The following LTBP1 variants were observed in gnomAD, a reference collection of about 807,000 sequenced individuals.
LTBP1 encodes latent transforming growth factor beta binding protein 1.
A neutral mutation model predicts 207.6 loss-of-function variants in LTBP1; 129 were observed. The ratio of observed to expected loss-of-function variants is 0.62; its 90% CI spans 0.54 to 0.72. LTBP1 has a LOEUF of 0.72. Ranked by LOEUF, LTBP1 falls within the 30% of genes least tolerant of loss-of-function variation. LTBP1 has a pLI of 0.00. For missense variants in LTBP1, 2,281 were observed against 2,217.2 expected, an observed-to-expected ratio of 1.03 and a Z score of -0.58; for synonymous variants, 963 against 833.7, an observed-to-expected ratio of 1.16 and a Z score of -2.67.
intron 3 of LTBP1, among the ~76,000 whole-genome samples, chr2:33,047,359 A>G (rs1315186133): frequency 3.3e-5 from 5 of 152,072 alleles, no homozygotes; most frequent in African/African-American, 1.2e-4. Flanking sequence ...TTCTGCCTTA[A>G]TTTCGTTATG....
intron 7 of LTBP1, among the ~76,000 whole-genome samples, chr2:33,204,857 T>G (rs78809092): frequency 0.03 from 4,495 of 152,368 alleles, 93 homozygotes; most frequent in Middle Eastern, 0.12. Context: ...TCCCATTTAT[T>G]TATGTGAAAT....
At chr2:33,010,115 T>G (rs1330157441) in intron 2 of LTBP1, among the ~76,000 whole-genome samples, 1 of 151,738 alleles carries the variant, frequency 6.6e-6, no homozygotes, top group Non-Finnish European at 1.5e-5. Flanking sequence ...TGGGGGGACA[T>G]GGGGAGGAGG....
chr2:33,186,711 G>A (rs1222958548), intron 5 of LTBP1, 145 bp from the exon 6 acceptor site: 1 of 637,298 alleles, frequency 1.6e-6, no homozygotes, highest in Non-Finnish European at 2.8e-6. Context: ...GGCATAGCGA[G>A]TTTACTCCTC....
intron 25 of LTBP1, 54 bp downstream of exon 25, chr2:33,343,017 A>G: frequency 1.3e-6 from 2 of 1,566,148 alleles, no homozygotes; most frequent in Non-Finnish European, 1.7e-6. Context: ...GGGAAAAGAA[A>G]TCACAGTGAA....
chr2:33,101,169 T>A (rs1449619992), intron 3 of LTBP1, among the ~76,000 whole-genome samples: 1 of 152,200 alleles, frequency 6.6e-6, no homozygotes, highest in Non-Finnish European at 1.5e-5. Context: ...CATTAGGTAT[T>A]AAGGAGTGTG....
intron 5 of LTBP1, among the ~76,000 whole-genome samples, chr2:33,147,310 A>G (rs1373920591): frequency 1.3e-5 from 2 of 152,174 alleles, no homozygotes; most frequent in African/African-American, 4.8e-5. Context: ...ATTACCCTTT[A>G]ATGTCCGTAG....
intron 22 of LTBP1, among the ~76,000 whole-genome samples, chr2:33,302,068 A>C (rs577808671): frequency 2.6e-4 from 40 of 152,350 alleles, no homozygotes; most frequent in Non-Finnish European, 4.4e-4. Flanking sequence ...TGCATAAAAT[A>C]TTTCTGAAAG....
intron 2 of LTBP1, among the ~76,000 whole-genome samples, chr2:32,997,830 C>T (rs1685519647): frequency 6.6e-6 from 1 of 152,186 alleles, no homozygotes. Flanking sequence ...TCGACCATAG[C>T]AGGAGCCCCA....
intron 2 of LTBP1, among the ~76,000 whole-genome samples, chr2:32,978,762 G>T (rs1682258026): frequency 6.8e-6 from 1 of 146,574 alleles, no homozygotes; most frequent in Non-Finnish European, 1.5e-5. Flanking sequence ...TCTATCTTTT[G>T]GAATAGTTTG....
intron 2 of LTBP1, among the ~76,000 whole-genome samples, chr2:32,984,101 C>T (rs992322551): frequency 1.3e-5 from 2 of 152,154 alleles, no homozygotes; most frequent in South Asian, 2.1e-4. Context: ...CAAGGGAGGT[C>T]CCCCAAGAAC....
chr2:33,113,004 T>C (rs1035051622), intron 4 of LTBP1, among the ~76,000 whole-genome samples: 1 of 152,202 alleles, frequency 6.6e-6, no homozygotes, highest in Non-Finnish European at 1.5e-5. Flanking sequence ...GCTCTGATTC[T>C]TTAGAAAAAT....
intron 5 of LTBP1, among the ~76,000 whole-genome samples, chr2:33,180,209 T>G (rs1297769722): frequency 6.6e-6 from 1 of 152,148 alleles, no homozygotes; most frequent in Non-Finnish European, 1.5e-5. Context: ...AGACAGATAA[T>G]CAAGAATTGA....
intron 24 of LTBP1, among the ~76,000 whole-genome samples, chr2:33,338,938 A>T (rs1389801475): frequency 6.6e-6 from 1 of 152,130 alleles, no homozygotes; most frequent in African/African-American, 2.4e-5. Context: ...GAGTGTGGTT[A>T]CCCTTTAGCC....
chr2:33,153,648 A>T (rs2083718142), intron 5 of LTBP1, among the ~76,000 whole-genome samples: 1 of 152,202 alleles, frequency 6.6e-6, no homozygotes. Flanking sequence ...TCATTTTTAT[A>T]ATAAACGAAA....
intron 2 of LTBP1, among the ~76,000 whole-genome samples, chr2:33,009,427 C>T (rs1687371467): frequency 6.6e-6 from 1 of 152,058 alleles, no homozygotes; most frequent in African/African-American, 2.4e-5. Flanking sequence ...AAGATGAGGC[C>T]ATTCCAGAGA....
At chr2:33,099,220 T>C (rs1382634590) in intron 3 of LTBP1, among the ~76,000 whole-genome samples, 1 of 152,228 alleles carries the variant, frequency 6.6e-6, no homozygotes, top group African/African-American at 2.4e-5. Context: ...TTTGGTTAAA[T>C]GCTTTCAATA....
chr2:33,326,758 A>C (rs2094433691), intron 24 of LTBP1, among the ~76,000 whole-genome samples: 1 of 151,890 alleles, frequency 6.6e-6, no homozygotes, highest in South Asian at 2.1e-4. Flanking sequence ...TCCTGGGTTC[A>C]AGCGATTCTC....
At chr2:33,022,890 ATTC>A (rs1377397907) in intron 3 of LTBP1, among the ~76,000 whole-genome samples, 2 of 152,250 alleles carry the variant, frequency 1.3e-5, no homozygotes, top group Non-Finnish European at 2.9e-5. Context: ...ATGAAGTATT[ATTC>A]TTTTTTAAAT....
At chr2:32,974,837 G>A (rs372334039) in intron 2 of LTBP1, among the ~76,000 whole-genome samples, 5 of 152,126 alleles carry the variant, frequency 3.3e-5, no homozygotes, top group Admixed American at 6.5e-5. Flanking sequence ...ATCCGACTTC[G>A]TACTCTGTGC....
Sources: gnomAD v4.1 joint callset for allele counts (sites outside exome capture counted in the v4.1 genomes callset) on GRCh38, gnomAD v4.1.1 for gene constraint, MANE v1.5 for transcripts, NCBI Gene and HGNC (gene_info 2026-07-23, HGNC 2026-07-21) for gene names.